Variants in PPFIA2 observed in about 807,000 individuals in gnomAD.
PPFIA2 encodes the protein PPFI scaffold protein A2, also known as liprin-alpha-2.
In PPFIA2, 46 loss-of-function variants were observed where a neutral mutation model predicts 175.5. The observed-to-expected ratio is 0.26, with a 90% confidence interval of 0.21 to 0.34. PPFIA2 has a LOEUF of 0.34. Among genes scored for constraint, PPFIA2 ranks in the 10% least tolerant of loss-of-function variants. The pLI is 1.00. For synonymous variants in PPFIA2, 568 were observed against 511.4 expected (o/e 1.11, Z -1.49); for missense variants, 1,179 against 1,506.1 (o/e 0.78, Z 3.60).
chr12:81,391,815 C>A (rs1347802884), intron 8 of PPFIA2, among the ~76,000 whole-genome samples: 4 of 151,762 alleles, frequency 2.6e-5, no homozygotes, highest in African/African-American at 4.8e-5. Flanking sequence ...AGTTTTCTGG[C>A]AGAGGAAACA....
At chr12:81,439,029 C>A (rs1007818070) in intron 7 of PPFIA2, among the ~76,000 whole-genome samples, 1 of 151,640 alleles carries the variant, frequency 6.6e-6, no homozygotes, top group Non-Finnish European at 1.5e-5. Flanking sequence ...ATTAGTATGT[C>A]CAATACTAGT....
At chr12:81,296,420 G>T (rs1166229479) in intron 23 of PPFIA2, among the ~76,000 whole-genome samples, 1 of 152,206 alleles carries the variant, frequency 6.6e-6, no homozygotes, top group East Asian at 1.9e-4. Flanking sequence ...CAGGTCTCGT[G>T]CACATCTCAA....
intron 8 of PPFIA2, among the ~76,000 whole-genome samples, chr12:81,395,100 C>A (rs927467829): frequency 2.6e-5 from 4 of 151,960 alleles, no homozygotes; most frequent in Non-Finnish European, 4.4e-5. Flanking sequence ...AAGAGTATAG[C>A]AAACTCTTAG....
chr12:81,680,178 A>G (rs1246350751), intron 3 of PPFIA2, among the ~76,000 whole-genome samples: 2 of 151,976 alleles, frequency 1.3e-5, no homozygotes, highest in Non-Finnish European at 2.9e-5. Context: ...ATTTTTAACT[A>G]GGCTACAGAA....
chr12:81,332,080 C>T (rs2056237676), intron 21 of PPFIA2, among the ~76,000 whole-genome samples: 1 of 152,038 alleles, frequency 6.6e-6, no homozygotes, highest in Admixed American at 6.6e-5. Context: ...TTTTTCTAAG[C>T]TGACAAACTG....
chr12:81,515,387 C>T (rs892486445), intron 4 of PPFIA2, among the ~76,000 whole-genome samples: 2 of 151,962 alleles, frequency 1.3e-5, no homozygotes, highest in African/African-American at 4.8e-5. Context: ...AAATAACATA[C>T]AAATCTAAAA....
chr12:81,439,891 A>G (rs990544747), intron 7 of PPFIA2, 81 bp downstream of exon 7: 6 of 1,124,870 alleles, frequency 5.3e-6, no homozygotes, highest in Non-Finnish European at 7.8e-6. Context: ...TGTGACAGTT[A>G]TAATAAAAGT....
At chr12:81,661,059 G>T (rs1335895151) in intron 4 of PPFIA2, among the ~76,000 whole-genome samples, 1 of 152,216 alleles carries the variant, frequency 6.6e-6, no homozygotes, top group Non-Finnish European at 1.5e-5. Flanking sequence ...ACTAAACATG[G>T]AAAGGAACAA....
At chr12:81,505,391 C>A (rs535018896) in intron 4 of PPFIA2, among the ~76,000 whole-genome samples, 8 of 152,166 alleles carry the variant, frequency 5.3e-5, no homozygotes, top group African/African-American at 1.7e-4. Context: ...AATGCTTCAT[C>A]TTGGCAAAGA....
At chr12:81,274,337 T>C (rs1169822927) in intron 28 of PPFIA2, among the ~76,000 whole-genome samples, 2 of 152,232 alleles carry the variant, frequency 1.3e-5, no homozygotes, top group Admixed American at 1.3e-4. Context: ...CTTAGGTTTA[T>C]ATTTTGATAG....
At chr12:81,589,143 G>T (rs2058377287) in intron 4 of PPFIA2, among the ~76,000 whole-genome samples, 2 of 151,974 alleles carry the variant, frequency 1.3e-5, no homozygotes, top group African/African-American at 4.8e-5. Context: ...TAGGCAATCT[G>T]CTTGATGTCT....
intron 4 of PPFIA2, among the ~76,000 whole-genome samples, chr12:81,637,517 C>T (rs1431765217): frequency 6.6e-6 from 1 of 151,968 alleles, no homozygotes; most frequent in African/African-American, 2.4e-5. Flanking sequence ...GCCATCTCTA[C>T]CCCTACCTCC....
chr12:81,598,020 C>G, intron 4 of PPFIA2: 1 of 1,535,002 alleles, frequency 6.5e-7, no homozygotes, highest in Non-Finnish European at 8.7e-7. Context: ...GTGTTCATAT[C>G]CGAGAAAATC....
intron 22 of PPFIA2, among the ~76,000 whole-genome samples, chr12:81,322,894 T>G (rs2053971644): frequency 6.6e-6 from 1 of 152,124 alleles, no homozygotes; most frequent in Non-Finnish European, 1.5e-5. Flanking sequence ...TAAGCAAAAC[T>G]AATGCCTGGA....
intron 4 of PPFIA2, among the ~76,000 whole-genome samples, chr12:81,655,260 C>T (rs149035869): frequency 4.0e-5 from 6 of 151,806 alleles, no homozygotes; most frequent in African/African-American, 1.4e-4. Flanking sequence ...CAACTTTTGC[C>T]TTTATCCTCT....
chr12:81,331,769 C>T (rs903866888), intron 21 of PPFIA2, among the ~76,000 whole-genome samples: 1 of 151,960 alleles, frequency 6.6e-6, no homozygotes, highest in Non-Finnish European at 1.5e-5. Context: ...GTTGTTTTGG[C>T]TCTATTTGAT....
chr12:81,682,268 CAAG>C (rs1671173160), intron 3 of PPFIA2, among the ~76,000 whole-genome samples: 2 of 151,942 alleles, frequency 1.3e-5, no homozygotes, highest in Non-Finnish European at 2.9e-5. Flanking sequence ...TATGAGAACA[CAAG>C]AAGAAGGCAG....
intron 3 of PPFIA2, among the ~76,000 whole-genome samples, chr12:81,695,412 C>T (rs985578596): frequency 6.6e-6 from 1 of 152,078 alleles, no homozygotes; most frequent in Non-Finnish European, 1.5e-5. Flanking sequence ...TGGCACCTCC[C>T]TATCCCCTCT....
At chr12:81,348,693 G>A (rs887964356) in intron 17 of PPFIA2, among the ~76,000 whole-genome samples, 5 of 152,050 alleles carry the variant, frequency 3.3e-5, no homozygotes, top group African/African-American at 7.2e-5. Context: ...CCGAGATAGC[G>A]CCACTGCACT....
Sources: gnomAD v4.1 joint callset for allele counts (sites outside exome capture counted in the v4.1 genomes callset) on GRCh38, gnomAD v4.1.1 for gene constraint, MANE v1.5 for transcripts, NCBI Gene and HGNC (gene_info 2026-07-23, HGNC 2026-07-21) for gene names.